Variants in SLF1 observed in about 807,000 individuals in gnomAD.
The protein encoded by SLF1 is SMC5-SMC6 complex localization factor protein 1.
SLF1 carries 105 observed loss-of-function variants against 123.0 expected under a neutral mutation model. The ratio of observed to expected loss-of-function variants is 0.85; its 90% CI spans 0.73 to 1.00. SLF1 has a LOEUF of 1.00. Among genes scored for constraint, SLF1 ranks in the 50% least tolerant of loss-of-function variants. The pLI is 0.00. For missense variants in SLF1, 1,239 were observed against 1,223.0 expected (o/e 1.01, Z -0.20); for synonymous variants, 434 against 406.6 (o/e 1.07, Z -0.81).
At chr5:94,622,068 G>A (rs1179858375) in intron 1 of SLF1, among the ~76,000 whole-genome samples, 1 of 152,196 alleles carries the variant, frequency 6.6e-6, no homozygotes, top group East Asian at 1.9e-4. Context: ...AACGCCACTT[G>A]TAGTTAAACG....
intron 9 of SLF1, 31 bp downstream of exon 9, chr5:94,654,783 A>G (rs1404766713): frequency 3.4e-6 from 5 of 1,461,854 alleles, no homozygotes; most frequent in Non-Finnish European, 4.5e-6. Context: ...AATTTTGTAT[A>G]ATATCGTGTC....
intron 15 of SLF1, among the ~76,000 whole-genome samples, chr5:94,680,085 G>T (rs1321557009): frequency 1.3e-5 from 2 of 151,958 alleles, no homozygotes; most frequent in Non-Finnish European, 2.9e-5. Flanking sequence ...TAAGTACTCT[G>T]CTACACATGT....
intron 1 of SLF1, among the ~76,000 whole-genome samples, chr5:94,619,662 A>G (rs955790266): frequency 7.2e-5 from 11 of 152,204 alleles, no homozygotes; most frequent in African/African-American, 2.2e-4. Context: ...TGAATTTACA[A>G]TGTATGTGTG....
intron 10 of SLF1, 124 bp from the exon 11 acceptor site, chr5:94,663,626 C>CA: frequency 1.1e-6 from 1 of 872,766 alleles, no homozygotes; most frequent in East Asian, 2.9e-5. Flanking sequence ...GCCTGGGTAA[C>CA]AGAGTGAGAC....
At chr5:94,619,088 T>C (rs1270024287) in intron 1 of SLF1, among the ~76,000 whole-genome samples, 1 of 152,090 alleles carries the variant, frequency 6.6e-6, no homozygotes, top group Non-Finnish European at 1.5e-5. Flanking sequence ...CTTGCGCAGC[T>C]CTGCCGCTCG....
At chr5:94,626,543 C>G (rs1792264899) in intron 1 of SLF1, among the ~76,000 whole-genome samples, 1 of 152,100 alleles carries the variant, frequency 6.6e-6, no homozygotes, top group South Asian at 2.1e-4. Context: ...GCCCCTTTTG[C>G]AGCCAGTTGA....
intron 1 of SLF1, among the ~76,000 whole-genome samples, chr5:94,628,142 C>T (rs1418459799): frequency 2.1e-5 from 3 of 146,030 alleles, no homozygotes; most frequent in Non-Finnish European, 4.5e-5. Flanking sequence ...ACAATACTTT[C>T]TTTATTTGTT....
At chr5:94,621,883 TACACACAC>T (rs145332421) in intron 1 of SLF1, among the ~76,000 whole-genome samples, 29 of 150,396 alleles carry the variant, frequency 1.9e-4, no homozygotes, top group East Asian at 3.9e-4. Flanking sequence ...TTAATATTTA[TACACACAC>T]ACACACACAC....
At chr5:94,645,336 C>T (rs868761903) in intron 5 of SLF1, among the ~76,000 whole-genome samples, 1 of 152,128 alleles carries the variant, frequency 6.6e-6, no homozygotes, top group East Asian at 1.9e-4. Context: ...TAGACCCTGG[C>T]GCTACTTAAG....
intron 17 of SLF1, among the ~76,000 whole-genome samples, chr5:94,688,896 A>G (rs954089664): frequency 1.3e-5 from 2 of 152,210 alleles, no homozygotes; most frequent in African/African-American, 2.4e-5. Flanking sequence ...ATTATTGATG[A>G]ATTATTGATG....
chr5:94,652,657 A>G (rs1747877831), intron 7 of SLF1, among the ~76,000 whole-genome samples: 1 of 152,122 alleles, frequency 6.6e-6, no homozygotes, highest in Admixed American at 6.5e-5. Context: ...TAATATGAAC[A>G]TTATCTTGTA....
At chr5:94,655,356 A>G (rs12657227) in intron 9 of SLF1, among the ~76,000 whole-genome samples, 33,852 of 151,996 alleles carry the variant, frequency 0.22, 3,896 homozygotes, top group East Asian at 0.35. Flanking sequence ...TTTGAAGTCA[A>G]GTAGTGTGTG....
intron 6 of SLF1, among the ~76,000 whole-genome samples, chr5:94,650,362 AT>A (rs10603196): frequency 0.51 from 65,960 of 128,308 alleles, 15,348 homozygotes; most frequent in African/African-American, 0.61. Flanking sequence ...AATTTGGAAC[AT>A]TTTTTTTTTT....
chr5:94,663,730 T>C lies in SLF1; in HGVS notation c.1210-20T>C. 3 of 1,491,922 alleles carry C rather than the reference T, an allele frequency of 2.0e-6. No homozygotes were observed. The highest frequency in any genetic ancestry group is 2.7e-6 in the Non-Finnish European group (3 of 1,115,842). The allele number at this position is 1,491,922 out of a possible 1,614,324, so 92.4% of individuals were successfully genotyped here. ...TTTTATCTTTCTTTTCTCTGAATCATAGAATCTTTCCTTTCTTAGGTTAAA... is the reference window on the plus strand; with the variant it reads ...TTTTATCTTTCTTTTCTCTGAATCACAGAATCTTTCCTTTCTTAGGTTAAA... On this transcript the variant is annotated intron_variant, in intron 10 of 20. Coordinates refer to ENST00000265140, the MANE Select transcript of SLF1 (RefSeq NM_032290.4).
At chr5:94,624,709 G>A (rs1295485676) in intron 1 of SLF1, among the ~76,000 whole-genome samples, 2 of 151,840 alleles carry the variant, frequency 1.3e-5, no homozygotes, top group South Asian at 2.1e-4. Context: ...ATTATTTTTT[G>A]TATATTCCGA....
At chr5:94,670,403 T>C (rs1203115770) in intron 13 of SLF1, 124 bp downstream of exon 13, 4 of 889,586 alleles carry the variant, frequency 4.5e-6, no homozygotes, top group African/African-American at 1.8e-5. Context: ...TTAAGATAGA[T>C]TTGTTTTTAA....
chr5:94,630,601 G>T lies in SLF1; in HGVS notation c.289G>T (p.Asp97Tyr), dbSNP rs909574489. Residue 97 changes from aspartate (D) to tyrosine (Y), a missense_variant, in exon 4 of 21, where the codon GAT becomes TAT. By Grantham distance (160) the Asp-to-Tyr change is radical. Coordinates refer to ENST00000265140, the MANE Select transcript of SLF1 (RefSeq NM_032290.4). Reference sequence around the variant, plus strand: ...TGAATGGGGATATAAAATTGAAAAAGATTCCCGTTATTCACCTCAAATGCA... The same window carrying T: ...TGAATGGGGATATAAAATTGAAAAATATTCCCGTTATTCACCTCAAATGCA... ...TYEWGYKIEK[D>Y]SRYSPQMQSA... is the part of the protein sequence containing the mutation. The T allele has an allele frequency of 5.2e-6, 8 of 1,551,540 alleles. No homozygotes were observed. The Admixed American group carries it at 1.6e-4, about 30-fold the overall frequency.
chr5:94,672,487 T>A (rs1408036552), intron 14 of SLF1, among the ~76,000 whole-genome samples: 1 of 151,216 alleles, frequency 6.6e-6, no homozygotes, highest in Non-Finnish European at 1.5e-5. Flanking sequence ...TCCCCTGTCC[T>A]CCTCTTTCTC....
chr5:94,653,553 A>C (rs1230058455), intron 8 of SLF1, 132 bp downstream of exon 8: 2 of 756,438 alleles, frequency 2.6e-6, no homozygotes, highest in Non-Finnish European at 3.9e-6. Flanking sequence ...CATAGTTAAT[A>C]TTCCAGTTAA....
Sources: gnomAD v4.1 joint callset for allele counts (sites outside exome capture counted in the v4.1 genomes callset) on GRCh38, gnomAD v4.1.1 for gene constraint, MANE v1.5 for transcripts, NCBI Gene and HGNC (gene_info 2026-07-23, HGNC 2026-07-21) for gene names.